The following PALLD variants were observed in gnomAD, a reference collection of about 807,000 sequenced individuals.
The protein encoded by PALLD is palladin.
Under a neutral mutation model 123.5 loss-of-function variants are expected in PALLD, and 61 were observed. The ratio of observed to expected loss-of-function variants is 0.49; its 90% CI spans 0.40 to 0.61. The LOEUF (loss-of-function observed/expected upper bound fraction) is 0.61. Among genes scored for constraint, PALLD ranks in the 20% least tolerant of loss-of-function variants. The pLI is 0.00. For missense variants in PALLD, 1,273 were observed against 1,377.0 expected, an observed-to-expected ratio of 0.92 and a Z score of 1.20; for synonymous variants, 465 against 496.4, an observed-to-expected ratio of 0.94 and a Z score of 0.84.
intron 2 of PALLD, among the ~76,000 whole-genome samples, chr4:168,660,593 TAC>T (rs35464064): frequency 0.6 from 91,052 of 151,006 alleles, 27,897 homozygotes; most frequent in African/African-American, 0.7. Context: ...ACAACAACAA[TAC>T]ACACACACAC....
chr4:168,908,760 G>C (rs1758329738), intron 15 of PALLD, among the ~76,000 whole-genome samples: 1 of 152,174 alleles, frequency 6.6e-6, no homozygotes, highest in Admixed American at 6.6e-5. Context: ...GGAAAAATTA[G>C]TTCAGTAATG....
intron 2 of PALLD, among the ~76,000 whole-genome samples, chr4:168,520,705 A>C (rs1365854306): frequency 2.0e-5 from 3 of 152,182 alleles, no homozygotes; most frequent in Non-Finnish European, 2.9e-5. Flanking sequence ...TAATGACTTG[A>C]ATATTACAGA....
intron 2 of PALLD, among the ~76,000 whole-genome samples, chr4:168,541,419 G>C (rs537464626): frequency 4.7e-4 from 71 of 151,862 alleles, no homozygotes; most frequent in African/African-American, 1.7e-3. Context: ...GAATTGGGTT[G>C]TATTTATTTT....
chr4:168,645,699 G>A (rs1777380252), intron 2 of PALLD, among the ~76,000 whole-genome samples: 1 of 152,134 alleles, frequency 6.6e-6, no homozygotes, highest in South Asian at 2.1e-4. Context: ...GATGTTAGCT[G>A]CCATTATTAT....
intron 17 of PALLD, among the ~76,000 whole-genome samples, chr4:168,920,957 G>A (rs969925332): frequency 6.6e-6 from 1 of 152,186 alleles, no homozygotes; most frequent in African/African-American, 2.4e-5. Context: ...ATAGCCCTGG[G>A]CAAGGTAAGA....
chr4:168,552,663 GT>G (rs1175016915), intron 2 of PALLD, among the ~76,000 whole-genome samples: 1 of 151,822 alleles, frequency 6.6e-6, no homozygotes, highest in Non-Finnish European at 1.5e-5. Flanking sequence ...GGGTTTTCTT[GT>G]TTGTTTTTGT....
At chr4:168,681,230 A>G (rs1781518540) in intron 3 of PALLD, 102 bp from the exon 4 acceptor site, 2 of 761,926 alleles carry the variant, frequency 2.6e-6, no homozygotes, top group Non-Finnish European at 4.6e-6. Context: ...TCGGTCAAAA[A>G]GACTTTGTAT....
intron 2 of PALLD, among the ~76,000 whole-genome samples, chr4:168,588,142 C>T (rs140941337): frequency 1.1e-4 from 16 of 152,256 alleles, no homozygotes; most frequent in African/African-American, 3.9e-4. Context: ...TTGAGAGCCA[C>T]TGCTCTGCTT....
At chr4:168,843,208 T>C (rs967519011) in intron 10 of PALLD, among the ~76,000 whole-genome samples, 1 of 152,194 alleles carries the variant, frequency 6.6e-6, no homozygotes, top group Non-Finnish European at 1.5e-5. Flanking sequence ...CAGGAGGTAA[T>C]ACCCATTGGA....
chr4:168,674,624 A>C (rs1339210835), intron 3 of PALLD, among the ~76,000 whole-genome samples: 1 of 152,152 alleles, frequency 6.6e-6, no homozygotes, highest in African/African-American at 2.4e-5. Flanking sequence ...GGGCCAGGAG[A>C]AAACCACTGG....
intron 10 of PALLD, among the ~76,000 whole-genome samples, chr4:168,834,869 T>A (rs1744896998): frequency 6.7e-6 from 1 of 149,850 alleles, no homozygotes; most frequent in Non-Finnish European, 1.5e-5. Context: ...GTAGTTGCAT[T>A]TTTGCATTTT....
chr4:168,921,792 A>T, intron 18 of PALLD, 51 bp downstream of exon 18: 5 of 1,318,408 alleles, frequency 3.8e-6, no homozygotes, highest in Non-Finnish European at 4.4e-6. Context: ...CATCAGACTT[A>T]CAAATGTAAA....
intron 15 of PALLD, among the ~76,000 whole-genome samples, chr4:168,906,070 CTGTT>C: frequency 6.6e-6 from 1 of 152,144 alleles, no homozygotes; most frequent in East Asian, 1.9e-4. Flanking sequence ...AGTTTTCTGC[CTGTT>C]TAAGAAAATG....
chr4:168,715,535 CTT>C (rs926942209), intron 10 of PALLD, among the ~76,000 whole-genome samples: 3 of 152,226 alleles, frequency 2.0e-5, no homozygotes, highest in African/African-American at 4.8e-5. Flanking sequence ...GTAAACCTAA[CTT>C]ATACACTATT....
intron 10 of PALLD, among the ~76,000 whole-genome samples, chr4:168,799,877 G>T (rs1281510146): frequency 2.6e-5 from 4 of 152,032 alleles, no homozygotes; most frequent in Non-Finnish European, 5.9e-5. Context: ...TTCAAAAATG[G>T]TTCATGCACT....
intron 10 of PALLD, among the ~76,000 whole-genome samples, chr4:168,744,752 AAC>A (rs1195747341): frequency 1.3e-5 from 2 of 152,212 alleles, no homozygotes; most frequent in Non-Finnish European, 2.9e-5. Context: ...TTTCAAGTAT[AAC>A]CATTCTGTTT....
chr4:168,910,247 G>T (rs1317046019), intron 15 of PALLD, among the ~76,000 whole-genome samples: 1 of 148,380 alleles, frequency 6.7e-6, no homozygotes, highest in Non-Finnish European at 1.5e-5. Flanking sequence ...TTTTTGAGAG[G>T]GGAGGAAGAG....
chr4:168,920,281 T>C (rs1019592465), intron 17 of PALLD, among the ~76,000 whole-genome samples: 1 of 152,218 alleles, frequency 6.6e-6, no homozygotes, highest in African/African-American at 2.4e-5. Flanking sequence ...TTCCAAAACC[T>C]CTTCATCCTT....
chr4:168,797,950 T>C (rs1480449440), intron 10 of PALLD, among the ~76,000 whole-genome samples: 1 of 152,104 alleles, frequency 6.6e-6, no homozygotes, highest in African/African-American at 2.4e-5. Context: ...CTAATCTGGC[T>C]ATTTTTCTTG....
Sources: allele counts gnomAD v4.1 joint callset (sites outside exome capture counted in the v4.1 genomes callset), GRCh38; gene constraint gnomAD v4.1.1; transcripts MANE v1.5; gene names NCBI Gene and HGNC (gene_info 2026-07-23, HGNC 2026-07-21).